The following PSD3 variants were observed in gnomAD, a reference collection of about 807,000 sequenced individuals.
The protein encoded by PSD3 is pleckstrin and Sec7 domain containing 3, also known as PH and SEC7 domain-containing protein 3.
In PSD3, 49 loss-of-function variants were observed where a neutral mutation model predicts 105.5. The ratio of observed to expected loss-of-function variants is 0.46; its 90% CI spans 0.37 to 0.59. PSD3 has a LOEUF of 0.59. Ranked by LOEUF, PSD3 falls within the 20% of genes least tolerant of loss-of-function variation. PSD3 has a pLI of 0.00. For synonymous variants in PSD3, 557 were observed against 457.8 expected (o/e 1.22, Z -2.77); for missense variants, 1,561 against 1,263.8 (o/e 1.24, Z -3.57).
intron 1 of PSD3, among the ~76,000 whole-genome samples, chr8:19,071,902 A>T (rs1392247442): frequency 6.6e-6 from 1 of 151,606 alleles, no homozygotes; most frequent in Non-Finnish European, 1.5e-5. Flanking sequence ...TAGAGATGGG[A>T]TTTCACTATG....
At chr8:18,787,801 C>T (rs1363869444) in intron 8 of PSD3, among the ~76,000 whole-genome samples, 1 of 152,142 alleles carries the variant, frequency 6.6e-6, no homozygotes, top group Non-Finnish European at 1.5e-5. Context: ...TCTGGAAGAA[C>T]TTATCCTCAA....
chr8:18,808,999 G>C (rs1811447678), intron 4 of PSD3: 7 of 1,199,000 alleles, frequency 5.8e-6, no homozygotes, highest in Non-Finnish European at 7.8e-6. Context: ...ACAGCAGCCA[G>C]AACACAAGGG....
At position 18,684,856 on chromosome 8, in the gene PSD3, T is replaced by C. The variant is rs552508418; in HGVS notation, c.2173-29171A>G. 2.5e-4 allele frequency among the ~76,000 whole-genome samples: 38 copies of C among 152,358 alleles called. No homozygotes were observed. In the East Asian group the frequency reaches 4.0e-3, roughly 16 times the overall value. ...CCAAAAGCCATCAATGTTCTGTCAGTGTACACAGCAATGTGCAAGCCTCTG... is the reference window on the plus strand; with the variant it reads ...CCAAAAGCCATCAATGTTCTGTCAGCGTACACAGCAATGTGCAAGCCTCTG... On this transcript the variant is annotated intron_variant, in intron 9 of 15. Coordinates refer to ENST00000327040, the MANE Select transcript of PSD3 (RefSeq NM_015310.4).
At chr8:18,733,968 G>T (rs1336133525) in intron 9 of PSD3, 1 of 151,954 alleles carries the variant, frequency 6.6e-6, no homozygotes, top group East Asian at 1.9e-4. Context: ...GAAGCTATGG[G>T]TTTTTTTTGC....
At chr8:19,005,746 C>A (rs1185873966) in intron 1 of PSD3, among the ~76,000 whole-genome samples, 1 of 151,944 alleles carries the variant, frequency 6.6e-6, no homozygotes, top group African/African-American at 2.4e-5. Context: ...ACCTTGGCTT[C>A]CCAAAGTGCT....
At chr8:18,781,877 C>T (rs183592196) in intron 8 of PSD3, among the ~76,000 whole-genome samples, 27 of 152,044 alleles carry the variant, frequency 1.8e-4, no homozygotes, top group African/African-American at 5.5e-4. Context: ...AAGCTTTCTT[C>T]GTTTTTATTT....
chr8:18,594,552 C>T (rs955280059), intron 12 of PSD3, among the ~76,000 whole-genome samples: 4 of 146,818 alleles, frequency 2.7e-5, no homozygotes, highest in African/African-American at 1.0e-4. Context: ...ACAAGAAAGG[C>T]TAAAGGGAGT....
At chr8:18,961,618 G>T (rs1171686547) in intron 1 of PSD3, among the ~76,000 whole-genome samples, 1 of 151,954 alleles carries the variant, frequency 6.6e-6, no homozygotes, top group Non-Finnish European at 1.5e-5. Flanking sequence ...TTCAACCCAG[G>T]AGGCGGAGGT....
chr8:19,038,469 A>G (rs1273578542), intron 1 of PSD3, among the ~76,000 whole-genome samples: 1 of 151,836 alleles, frequency 6.6e-6, no homozygotes, highest in Non-Finnish European at 1.5e-5. Flanking sequence ...CTATTTGTCT[A>G]TCTATTTGTT....
intron 15 of PSD3, among the ~76,000 whole-genome samples, chr8:18,540,630 G>C (rs778901180): frequency 1.3e-5 from 2 of 152,036 alleles, no homozygotes; most frequent in Admixed American, 1.3e-4. Context: ...AGTCTGGACC[G>C]AGCTCATCAC....
At chr8:18,948,207 T>A (rs1240642825) in intron 1 of PSD3, among the ~76,000 whole-genome samples, 1 of 152,216 alleles carries the variant, frequency 6.6e-6, no homozygotes, top group Non-Finnish European at 1.5e-5. Context: ...TGTGTGCTTC[T>A]GATAATGTTT....
intron 9 of PSD3, among the ~76,000 whole-genome samples, chr8:18,743,639 T>C (rs1156468522): frequency 6.6e-6 from 1 of 152,094 alleles, no homozygotes; most frequent in Non-Finnish European, 1.5e-5. Flanking sequence ...ACCTTCAGTA[T>C]ACTTTATGCA....
intron 1 of PSD3, among the ~76,000 whole-genome samples, chr8:18,972,477 G>A (rs1357424669): frequency 6.6e-6 from 1 of 152,106 alleles, no homozygotes. Flanking sequence ...ATCCAACCCC[G>A]GAACAAGTTT....
At chr8:19,044,388 G>T (rs534798045) in intron 1 of PSD3, among the ~76,000 whole-genome samples, 1 of 152,110 alleles carries the variant, frequency 6.6e-6, no homozygotes, top group Non-Finnish European at 1.5e-5. Flanking sequence ...GCTTTGGAGC[G>T]TCAGATAGGA....
At chr8:18,901,800 T>C (rs972685031) in intron 2 of PSD3, among the ~76,000 whole-genome samples, 1 of 152,206 alleles carries the variant, frequency 6.6e-6, no homozygotes, top group Non-Finnish European at 1.5e-5. Flanking sequence ...TTGCTGGGCA[T>C]AGTATTCCTG....
chr8:18,949,242 AAAATATATATATATATAT>A (rs1439461555), intron 1 of PSD3, among the ~76,000 whole-genome samples: 6 of 26,606 alleles, frequency 2.3e-4, no homozygotes, highest in African/African-American at 5.1e-4. Flanking sequence ...AAAAAAAAAA[AAAATATATATATATATAT>A]ATATATATAT....
intron 1 of PSD3, among the ~76,000 whole-genome samples, chr8:19,041,492 T>A (rs1294247254): frequency 6.6e-6 from 1 of 152,226 alleles, no homozygotes; most frequent in Non-Finnish European, 1.5e-5. Flanking sequence ...TCTATGGACA[T>A]CCAAGTGACC....
At chr8:18,864,758 C>T (rs907920373) in intron 4 of PSD3, 10 of 151,738 alleles carry the variant, frequency 6.6e-5, no homozygotes, top group African/African-American at 2.4e-4. Flanking sequence ...ATTTTTTTTC[C>T]TTTAATTCTA....
At chr8:18,765,796 G>A (rs977674212) in intron 8 of PSD3, among the ~76,000 whole-genome samples, 6 of 151,946 alleles carry the variant, frequency 3.9e-5, no homozygotes, top group African/African-American at 7.2e-5. Flanking sequence ...TAAAAACCCC[G>A]TCTCTACTAA....
Sources: allele counts gnomAD v4.1 joint callset (sites outside exome capture counted in the v4.1 genomes callset), GRCh38; gene constraint gnomAD v4.1.1; transcripts MANE v1.5; gene names NCBI Gene and HGNC (gene_info 2026-07-23, HGNC 2026-07-21).